Variants in SERPINB10 observed in about 807,000 individuals in gnomAD.
SERPINB10 encodes the protein serpin family B member 10.
In SERPINB10, 35 loss-of-function variants were observed where a neutral mutation model predicts 39.1. The observed-to-expected ratio is 0.90, with a 90% CI of 0.68 to 1.19. The LOEUF (loss-of-function observed/expected upper bound fraction) is 1.19. Among genes scored for constraint, SERPINB10 ranks in the 50% most tolerant of loss-of-function variants. The pLI is 0.00. For missense variants in SERPINB10, 546 were observed against 460.5 expected, an observed-to-expected ratio of 1.19 and a Z score of -1.70; for synonymous variants, 190 against 158.1, an observed-to-expected ratio of 1.20 and a Z score of -1.52.
chr18:63,934,879 C>T lies in SERPINB10; in HGVS notation c.831C>T (p.Thr277=). 6.2e-7 allele frequency: 1 copy of T among 1,613,016 alleles called. No homozygotes were observed. The highest frequency in any genetic ancestry group is 2.2e-5 in the East Asian group (1 of 44,876). Residue 277 remains threonine (T), a synonymous_variant, in exon 8 of 8, where the codon ACC becomes ACT. Coordinates refer to ENST00000238508, the MANE Select transcript of SERPINB10 (RefSeq NM_005024.3). ...AITYEKLNEW[T]SADMMELYEV... The stretch of plus-strand genomic sequence containing the variant: ...CCTATGAGAAGCTGAATGAGTGGAC[C>T]AGTGCAGACATGATGGAGTTGTATG...
Position 63,930,187 on chromosome 18 carries a change from G to A in SERPINB10, c.633G>A (p.Glu211=), listed in dbSNP as rs2050212224. Reference sequence around the variant, plus strand: ...CAGAAAAGCCTTTTAGAATAAACGAGGTAGGAAATTTTTAAAGATCAGTTT... The same window carrying A: ...CAGAAAAGCCTTTTAGAATAAACGAAGTAGGAAATTTTTAAAGATCAGTTT... ...NTTEKPFRIN[E]TTSKPVQMMF... The change falls in exon 6 of 8, where the codon GAG becomes GAA. Residue 211 remains glutamate, a splice_region_variant and synonymous_variant. Coordinates refer to ENST00000238508, the MANE Select transcript of SERPINB10 (RefSeq NM_005024.3). 2.5e-6 allele frequency: 4 copies of A among 1,611,640 alleles called. No homozygotes were observed. The East Asian group carries it at 6.7e-5, about 27-fold the overall frequency.
chr18:63,914,230 G>A (rs549736176), intron 1 of SERPINB10, among the ~76,000 whole-genome samples: 4 of 152,132 alleles, frequency 2.6e-5, no homozygotes, highest in Admixed American at 2.6e-4. Flanking sequence ...TTGCCACTCT[G>A]TGCTTTTTAA....
At chr18:63,933,455 C>A (rs1270666462) in intron 7 of SERPINB10, among the ~76,000 whole-genome samples, 1 of 152,134 alleles carries the variant, frequency 6.6e-6, no homozygotes, top group East Asian at 1.9e-4. Flanking sequence ...ATAGACAGCT[C>A]CAGCCTGGGG....
intron 1 of SERPINB10, 150 bp downstream of exon 1, chr18:63,908,190 A>G (rs943559033): frequency 5.6e-6 from 1 of 179,868 alleles, no homozygotes; most frequent in African/African-American, 2.4e-5. Context: ...ATTTGTCTGT[A>G]TAAGTCAGAG....
intron 4 of SERPINB10, among the ~76,000 whole-genome samples, chr18:63,919,354 A>C (rs1374824262): frequency 6.6e-6 from 1 of 151,616 alleles, no homozygotes; most frequent in Non-Finnish European, 1.5e-5. Flanking sequence ...TGTTGTTTAG[A>C]ATCCACAGAA....
At chr18:63,913,157 A>G (rs2050076977) in intron 1 of SERPINB10, among the ~76,000 whole-genome samples, 1 of 151,512 alleles carries the variant, frequency 6.6e-6, no homozygotes, top group Admixed American at 6.6e-5. Context: ...GCTTATTTAT[A>G]TCTCCTCTTT....
chr18:63,924,243 A>G (rs1223407357), intron 5 of SERPINB10, among the ~76,000 whole-genome samples: 2 of 151,908 alleles, frequency 1.3e-5, no homozygotes, highest in Non-Finnish European at 2.9e-5. Context: ...GCTGACATTG[A>G]TGTGCTGTGT....
In SERPINB10 at chr18:63,935,346, T is replaced by A. The variant is rs2050255608; in HGVS notation, c.*104T>A. 2.7e-6 allele frequency: 3 copies of A among 1,121,426 alleles called. No homozygotes were observed. Among genetic ancestry groups the A allele is most frequent in the Non-Finnish European group, 3.8e-6 (3 of 797,716 alleles). The allele number at this position is 1,121,426 out of a possible 1,614,324, so 69.5% of individuals were successfully genotyped here. On this transcript the variant is annotated 3_prime_UTR_variant, in exon 8 of 8. Transcript: ENST00000238508. ...CAAAAATGAGTTTGTAGTCTAAACC[T>A]TTTTCACATTTGAATATAAGTAAAT...
intron 5 of SERPINB10, among the ~76,000 whole-genome samples, chr18:63,929,340 C>T (rs1330753123): frequency 1.3e-5 from 2 of 152,038 alleles, no homozygotes; most frequent in Non-Finnish European, 2.9e-5. Context: ...ATTTCCCCCT[C>T]TGAATTTCAA....
At chr18:63,915,929 G>T (rs1001215690) in intron 2 of SERPINB10, among the ~76,000 whole-genome samples, 4 of 151,972 alleles carry the variant, frequency 2.6e-5, no homozygotes, top group African/African-American at 7.2e-5. Flanking sequence ...AAAGGATAAG[G>T]TTATCAATTT....
rs1392209728 is a variant in SERPINB10 at position 63,922,126 on chromosome 18, C to T, written c.490+2221C>T. ...GATAACTCTGCCTTCAGCTTTAAAT[C>T]ACACATAACAGGCCTGCTCATAGCA... On this transcript the variant is annotated intron_variant, in intron 5 of 7. Coordinates refer to ENST00000238508, the MANE Select transcript of SERPINB10 (RefSeq NM_005024.3). Among the ~76,000 whole-genome samples, 4 of 152,072 alleles carry T rather than the reference C, an allele frequency of 2.6e-5. No individual in the cohort carries two copies. In the East Asian group the frequency reaches 7.8e-4, roughly 30 times the overall value.
chr18:63,926,076 G>A (rs1028262383), intron 5 of SERPINB10, among the ~76,000 whole-genome samples: 1 of 151,992 alleles, frequency 6.6e-6, no homozygotes, highest in African/African-American at 2.4e-5. Flanking sequence ...CAACAAAAAT[G>A]TATTCTCTCA....
chr18:63,934,199 T>C (rs1343323738), intron 7 of SERPINB10, among the ~76,000 whole-genome samples: 4 of 152,170 alleles, frequency 2.6e-5, no homozygotes, highest in Non-Finnish European at 5.9e-5. Context: ...CATATATACA[T>C]GTGTATTTTT....
At chr18:63,915,359 T>C (rs981541852) in intron 1 of SERPINB10, 143 bp from the exon 2 acceptor site, 3 of 484,254 alleles carry the variant, frequency 6.2e-6, no homozygotes, top group African/African-American at 2.0e-5. Flanking sequence ...AATACTATTA[T>C]TGGACTAGAA....
chr18:63,934,778 A>G (rs779625123), intron 7 of SERPINB10, 60 bp from the exon 8 acceptor site: 199 of 1,527,882 alleles, frequency 1.3e-4, no homozygotes, highest in Non-Finnish European at 1.7e-4. Flanking sequence ...TCTCTCTACT[A>G]CTGTTTTTCA....
At chr18:63,924,997 G>T (rs1053395309) in intron 5 of SERPINB10, among the ~76,000 whole-genome samples, 3 of 151,778 alleles carry the variant, frequency 2.0e-5, no homozygotes, top group African/African-American at 7.3e-5. Context: ...CACAAATATT[G>T]TACCCTAGTT....
At chr18:63,927,941 G>A (rs1055014860) in intron 5 of SERPINB10, among the ~76,000 whole-genome samples, 5 of 151,998 alleles carry the variant, frequency 3.3e-5, no homozygotes, top group African/African-American at 4.8e-5. Flanking sequence ...CTTTGAAACT[G>A]TGTGAATAGT....
At chr18:63,923,780 A>T (rs1233429617) in intron 5 of SERPINB10, among the ~76,000 whole-genome samples, 4 of 151,882 alleles carry the variant, frequency 2.6e-5, no homozygotes, top group Admixed American at 2.0e-4. Flanking sequence ...GAAATTTCAC[A>T]ATCTATCCTA....
intron 6 of SERPINB10, among the ~76,000 whole-genome samples, chr18:63,932,362 G>A (rs889458682): frequency 8.5e-5 from 13 of 152,126 alleles, no homozygotes; most frequent in South Asian, 2.1e-4. Flanking sequence ...GCCACTGTGC[G>A]TTCCCACCAG....
Sources: gnomAD v4.1 joint callset for allele counts (sites outside exome capture counted in the v4.1 genomes callset) on GRCh38, gnomAD v4.1.1 for gene constraint, MANE v1.5 for transcripts, NCBI Gene and HGNC (gene_info 2026-07-23, HGNC 2026-07-21) for gene names.